Variants in SUSD3 observed in about 807,000 individuals in gnomAD.
The protein encoded by SUSD3 is sushi domain containing 3.
In SUSD3, 18 loss-of-function variants were observed where a neutral mutation model predicts 20.6. The ratio of observed to expected loss-of-function variants is 0.87; its 90% confidence interval spans 0.60 to 1.30. The LOEUF is 1.30. Ranked by LOEUF, SUSD3 falls within the 50% of genes most tolerant of loss-of-function variation. The pLI is 0.00. For synonymous variants in SUSD3, 137 were observed against 141.5 expected (o/e 0.97, Z 0.23); for missense variants, 306 against 346.9 (o/e 0.88, Z 0.94).
intron 1 of SUSD3, among the ~76,000 whole-genome samples, chr9:93,069,927 G>A (rs1036066822): frequency 1.3e-5 from 2 of 151,974 alleles, no homozygotes; most frequent in Non-Finnish European, 2.9e-5. Context: ...TTACAGACAT[G>A]TGCCACCCAC....
chr9:93,077,788 T>C, intron 2 of SUSD3, 58 bp from the exon 3 acceptor site: 3 of 1,606,332 alleles, frequency 1.9e-6, no homozygotes, highest in Middle Eastern at 1.7e-4. Flanking sequence ...CCCCAACCCC[T>C]GGGCCAAGCA....
chr9:93,061,213 G>A (rs1317323182), intron 1 of SUSD3, among the ~76,000 whole-genome samples: 1 of 152,258 alleles, frequency 6.6e-6, no homozygotes, highest in Non-Finnish European at 1.5e-5. Context: ...GCCTGGAGAG[G>A]GGGTAGCAGG....
At chr9:93,083,540 T>C (rs979901587) in intron 4 of SUSD3, among the ~76,000 whole-genome samples, 7 of 152,230 alleles carry the variant, frequency 4.6e-5, no homozygotes, top group African/African-American at 1.7e-4. Context: ...TGTTCTGAAC[T>C]CTTCCAAATA....
intron 1 of SUSD3, among the ~76,000 whole-genome samples, chr9:93,062,233 C>T (rs1213581825): frequency 6.6e-6 from 1 of 152,256 alleles, no homozygotes; most frequent in Non-Finnish European, 1.5e-5. Context: ...AGGTGTGGCC[C>T]TGAGGTACCC....
intron 1 of SUSD3, among the ~76,000 whole-genome samples, chr9:93,062,072 G>T (rs953016389): frequency 3.3e-5 from 5 of 152,246 alleles, no homozygotes; most frequent in Non-Finnish European, 5.9e-5. Context: ...ACGCCCGGCT[G>T]GCCTCACAGG....
chr9:93,075,736 G>GGCCACCCCC, intron 1 of SUSD3, 48 bp from the exon 2 acceptor site: 2 of 272,216 alleles, frequency 7.3e-6, no homozygotes, highest in South Asian at 2.9e-5. Context: ...TGCCCTGCGT[G>GGCCACCCCC]CCCACCCCCC....
chr9:93,081,877 G>A (rs1207120056), intron 4 of SUSD3, among the ~76,000 whole-genome samples: 2 of 152,154 alleles, frequency 1.3e-5, no homozygotes, highest in Non-Finnish European at 2.9e-5. Flanking sequence ...CTGTTGAGTG[G>A]TCAGGCGTGG....
intron 4 of SUSD3, among the ~76,000 whole-genome samples, chr9:93,081,052 C>T (rs1302823148): frequency 6.6e-6 from 1 of 152,214 alleles, no homozygotes; most frequent in Non-Finnish European, 1.5e-5. Context: ...ATTCATGCCC[C>T]TTCCCCCACA....
chr9:93,061,309 T>A (rs1313737474), intron 1 of SUSD3, among the ~76,000 whole-genome samples: 1 of 152,234 alleles, frequency 6.6e-6, no homozygotes, highest in Non-Finnish European at 1.5e-5. Context: ...GAGGAGAAAC[T>A]GAGACCCCGT....
intron 3 of SUSD3, among the ~76,000 whole-genome samples, chr9:93,078,808 T>C (rs980650300): frequency 6.0e-5 from 9 of 150,824 alleles, no homozygotes; most frequent in African/African-American, 1.9e-4. Flanking sequence ...AACTTAACCT[T>C]TTTTTTTTTG....
chr9:93,084,054 G>A (rs188160178), intron 4 of SUSD3, among the ~76,000 whole-genome samples: 1 of 152,234 alleles, frequency 6.6e-6, no homozygotes, highest in African/African-American at 2.4e-5. Flanking sequence ...GGGGAGTAGA[G>A]AGCCACAAGA....
Position 93,079,534 on chromosome 9 carries a change from T to G in SUSD3, c.489T>G (p.Leu163=), listed in dbSNP as rs2118995907. ...TGGAGACGGTGCAGGCCGCATACCTTGGCCTCAAGCACTTCAACAAACCCG... is the reference window on the plus strand; with the variant it reads ...TGGAGACGGTGCAGGCCGCATACCTGGGCCTCAAGCACTTCAACAAACCCG... ...EDLETVQAAY[L]GLKHFNKPVS... Residue 163 remains leucine (L), a synonymous_variant, in exon 4 of 5, where the codon CTT becomes CTG. Transcript: ENST00000375472. 1 of 1,614,122 alleles carries G rather than the reference T, an allele frequency of 6.2e-7. No homozygotes were observed. The highest frequency in any genetic ancestry group is 8.5e-7 in the Non-Finnish European group (1 of 1,179,992).
At chr9:93,077,306 C>T (rs879784718) in intron 2 of SUSD3, among the ~76,000 whole-genome samples, 8 of 151,974 alleles carry the variant, frequency 5.3e-5, no homozygotes, top group Non-Finnish European at 1.2e-4. Flanking sequence ...AAACCCAGAC[C>T]ATGGGCTGGG....
At position 93,075,859 on chromosome 9, in the gene SUSD3, C is replaced by T. The variant is rs770975398; in HGVS notation, c.164C>T (p.Thr55Ile). 4 of 1,612,960 alleles carry T rather than the reference C, an allele frequency of 2.5e-6. No individual in the cohort carries two copies. ...VLRGNGASVG[T>I]VLMFRCPSNH... ...CGTGGCAATGGTGCTTCCGTGGGGA[C>T]CGTGCTCATGTTCCGCTGCCCCTCC... The change falls in exon 2 of 5, where the codon ACC becomes ATC. Residue 55 changes from threonine to isoleucine, a missense_variant. Thr to Ile is a moderately conservative substitution (Grantham distance 89). Transcript: ENST00000375472.
In SUSD3 at chr9:93,079,565, G is replaced by T. The variant is rs141819820; in HGVS notation, c.520G>T (p.Gly174Trp). The part of the protein sequence containing the change: ...GLKHFNKPVS[G>W]PSQAHDNHSF... ...CAAGCACTTCAACAAACCCGTGAGC[G>T]GGCCCAGCCAGGCGCACGACAACCA... The change falls in exon 4 of 5, where the codon GGG (glycine) becomes TGG (tryptophan). Residue 174 changes from glycine to tryptophan, a missense_variant. Physicochemically the swap from Gly to Trp is radical, Grantham distance 184. Coordinates refer to ENST00000375472, the MANE Select transcript of SUSD3 (RefSeq NM_145006.4). 1 of 1,614,016 alleles carries T rather than the reference G, an allele frequency of 6.2e-7. No homozygotes were observed. Among genetic ancestry groups the T allele is most frequent in the South Asian group, 1.1e-5 (1 of 91,076 alleles).
chr9:93,082,779 G>A (rs1295971850), intron 4 of SUSD3, among the ~76,000 whole-genome samples: 1 of 152,130 alleles, frequency 6.6e-6, no homozygotes, highest in Non-Finnish European at 1.5e-5. Context: ...TGTCATAACT[G>A]GGAAAGTGCC....
intron 1 of SUSD3, among the ~76,000 whole-genome samples, chr9:93,065,732 T>C (rs1295050094): frequency 6.6e-6 from 1 of 152,244 alleles, no homozygotes; most frequent in African/African-American, 2.4e-5. Context: ...TCCCTGGCCC[T>C]TGGGGAGTGC....
Position 93,058,823 on chromosome 9 carries a change from C to A in SUSD3, c.81C>A (p.Asn27Lys). 2.4e-6 allele frequency: 3 copies of A among 1,261,794 alleles called. No homozygotes were observed. The highest frequency in any genetic ancestry group is 3.0e-6 in the Non-Finnish European group (3 of 1,002,940). The allele number at this position is 1,261,794 out of a possible 1,614,324, so 78.2% of individuals were successfully genotyped here. The change falls in exon 1 of 5, where the codon AAC (asparagine) becomes AAA (lysine). Residue 27 changes from asparagine to lysine, a missense_variant. Transcript: ENST00000375472. ...RAGVTTPAPG[N>K]RTGTCAKLRL... is the part of the protein sequence containing the mutation. ...GGGTCACCACGCCTGCCCCAGGGAA[C>A]CGCACAGGTGAGGGCTGGGGCCGAG...
At chr9:93,074,880 G>A (rs1020909987) in intron 1 of SUSD3, among the ~76,000 whole-genome samples, 1 of 152,040 alleles carries the variant, frequency 6.6e-6, no homozygotes, top group Non-Finnish European at 1.5e-5. Flanking sequence ...CCAAAGTGCT[G>A]GGATTACAAG....
Sources: allele counts gnomAD v4.1 joint callset (sites outside exome capture counted in the v4.1 genomes callset), GRCh38; gene constraint gnomAD v4.1.1; transcripts MANE v1.5; gene names NCBI Gene and HGNC (gene_info 2026-07-23, HGNC 2026-07-21).